The following MLLT3 variants were observed in gnomAD, a reference collection of about 807,000 sequenced individuals.
The protein encoded by MLLT3 is protein AF-9.
Under a neutral mutation model 53.2 loss-of-function variants are expected in MLLT3, and 4 were observed. That is an observed-to-expected ratio of 0.08 (90% CI 0.04 to 0.17). The LOEUF (loss-of-function observed/expected upper bound fraction) is 0.17. MLLT3 is among the 10% of genes least tolerant of loss of function. MLLT3 has a pLI of 1.00. For synonymous variants in MLLT3, 283 were observed against 230.6 expected, an observed-to-expected ratio of 1.23 and a Z score of -2.06; for missense variants, 569 against 684.0, an observed-to-expected ratio of 0.83 and a Z score of 1.87.
At chr9:20,458,890 A>G (rs1029844256) in intron 2 of MLLT3, among the ~76,000 whole-genome samples, 1 of 152,182 alleles carries the variant, frequency 6.6e-6, no homozygotes. Flanking sequence ...ATCTAAACAT[A>G]AAACACCCAA....
chr9:20,510,322 C>T (rs1488967342), intron 2 of MLLT3, among the ~76,000 whole-genome samples: 1 of 152,116 alleles, frequency 6.6e-6, no homozygotes, highest in Non-Finnish European at 1.5e-5. Context: ...AATAAAAGAT[C>T]AATTTTGCCG....
At chr9:20,363,688 A>G in intron 6 of MLLT3, 83 bp from the exon 7 acceptor site, 4 of 1,286,916 alleles carry the variant, frequency 3.1e-6, no homozygotes, top group Non-Finnish European at 4.3e-6. Context: ...GATGCTTACC[A>G]GCACTGAACA....
At chr9:20,433,430 G>A (rs895665631) in intron 4 of MLLT3, among the ~76,000 whole-genome samples, 1 of 152,042 alleles carries the variant, frequency 6.6e-6, no homozygotes, top group Admixed American at 6.6e-5. Flanking sequence ...GGAAAAATGG[G>A]ATATTTACAT....
intron 2 of MLLT3, among the ~76,000 whole-genome samples, chr9:20,501,906 C>T (rs1825246180): frequency 6.6e-6 from 1 of 150,850 alleles, no homozygotes; most frequent in Admixed American, 6.6e-5. Context: ...TATGGTGAAA[C>T]CTCGTCTCTA....
chr9:20,356,206 A>G (rs1485138080), intron 8 of MLLT3, among the ~76,000 whole-genome samples: 1 of 152,224 alleles, frequency 6.6e-6, no homozygotes, highest in African/African-American at 2.4e-5. Context: ...GCACGAGTAA[A>G]AAGTGTCCTT....
intron 5 of MLLT3, among the ~76,000 whole-genome samples, chr9:20,370,134 TA>T (rs1188472094): frequency 3.3e-5 from 5 of 152,260 alleles, no homozygotes; most frequent in Non-Finnish European, 2.9e-5. Flanking sequence ...TCTACAGTGA[TA>T]AAAGTATAGA....
intron 4 of MLLT3, among the ~76,000 whole-genome samples, chr9:20,422,638 T>C (rs1021814264): frequency 6.6e-6 from 1 of 152,280 alleles, no homozygotes; most frequent in South Asian, 2.1e-4. Flanking sequence ...TAATGAAAGA[T>C]TCCCCTCAGC....
At chr9:20,482,968 A>G (rs2118907634) in intron 2 of MLLT3, among the ~76,000 whole-genome samples, 1 of 152,124 alleles carries the variant, frequency 6.6e-6, no homozygotes, top group Non-Finnish European at 1.5e-5. Flanking sequence ...TCTATCCTCA[A>G]TTTTCTTTGC....
At position 20,576,509 on chromosome 9, in the gene MLLT3, T is replaced by C. The variant is rs117473193; in HGVS notation, c.193+44145A>G. Among the ~76,000 whole-genome samples, 147 of 152,234 alleles carry C rather than the reference T, an allele frequency of 9.7e-4. 2 individuals are homozygous for C. The East Asian group carries it at 0.024, about 25-fold the overall frequency. On this transcript the variant is annotated intron_variant, in intron 2 of 10. Transcript: ENST00000380338. ...TTCAAATGAAAGATGTGTAATTGGCTTAATTTCAATATTGTTGTGCCAGGA... is the reference window on the plus strand; with the variant it reads ...TTCAAATGAAAGATGTGTAATTGGCCTAATTTCAATATTGTTGTGCCAGGA...
intron 7 of MLLT3, chr9:20,363,210 C>A: frequency 2.8e-6 from 1 of 354,274 alleles, no homozygotes; most frequent in East Asian, 4.9e-5. Context: ...TCAGTCCTGC[C>A]ACTTGGCATA....
At chr9:20,473,872 A>C (rs1384468301) in intron 2 of MLLT3, among the ~76,000 whole-genome samples, 3 of 152,156 alleles carry the variant, frequency 2.0e-5, no homozygotes, top group African/African-American at 7.2e-5. Context: ...GCAACTTGTA[A>C]ATTACTACTG....
At chr9:20,350,594 C>CA (rs774973521) in intron 10 of MLLT3, among the ~76,000 whole-genome samples, 1 of 124,026 alleles carries the variant, frequency 8.1e-6, no homozygotes. Flanking sequence ...GACTCCGTCT[C>CA]AAAAAAAGAA....
chr9:20,422,842 G>A (rs903429117), intron 4 of MLLT3, among the ~76,000 whole-genome samples: 2 of 151,890 alleles, frequency 1.3e-5, no homozygotes, highest in African/African-American at 4.8e-5. Flanking sequence ...GACAGTGATG[G>A]TGACAATGAT....
intron 2 of MLLT3, among the ~76,000 whole-genome samples, chr9:20,549,222 T>A (rs955454719): frequency 2.0e-5 from 3 of 152,170 alleles, no homozygotes; most frequent in Admixed American, 1.3e-4. Context: ...ATTATAAGAT[T>A]CCTTGGCAAC....
At chr9:20,617,122 T>A (rs1820850532) in intron 2 of MLLT3, among the ~76,000 whole-genome samples, 2 of 152,310 alleles carry the variant, frequency 1.3e-5, no homozygotes, top group South Asian at 4.1e-4. Flanking sequence ...CAAATAACAC[T>A]CGCTGAATCT....
chr9:20,588,669 C>T (rs1820044016), intron 2 of MLLT3, among the ~76,000 whole-genome samples: 1 of 152,134 alleles, frequency 6.6e-6, no homozygotes, highest in Non-Finnish European at 1.5e-5. Flanking sequence ...ACAGGAATGC[C>T]TGTGATTTTT....
At chr9:20,529,523 G>A (rs188349958) in intron 2 of MLLT3, among the ~76,000 whole-genome samples, 203 of 152,246 alleles carry the variant, frequency 1.3e-3, no homozygotes, top group Non-Finnish European at 6.8e-4. Flanking sequence ...GGAACCGCCA[G>A]TTAGTTCATT....
At chr9:20,397,627 A>T (rs974829237) in intron 5 of MLLT3, among the ~76,000 whole-genome samples, 1 of 152,126 alleles carries the variant, frequency 6.6e-6, no homozygotes, top group Admixed American at 6.5e-5. Flanking sequence ...ATCTATATTT[A>T]CCTAAGTTTT....
At chr9:20,487,571 C>G (rs1824845693) in intron 2 of MLLT3, among the ~76,000 whole-genome samples, 1 of 152,072 alleles carries the variant, frequency 6.6e-6, no homozygotes, top group African/African-American at 2.4e-5. Flanking sequence ...TTTCTTACAA[C>G]AAGAAAGATG....
Sources: allele counts gnomAD v4.1 joint callset (sites outside exome capture counted in the v4.1 genomes callset), GRCh38; gene constraint gnomAD v4.1.1; transcripts MANE v1.5; gene names NCBI Gene and HGNC (gene_info 2026-07-23, HGNC 2026-07-21).